The following GMDS variants were observed in gnomAD, a reference collection of about 807,000 sequenced individuals.
GMDS encodes the protein GDP-mannose 4,6 dehydratase.
Under a neutral mutation model 49.9 loss-of-function variants are expected in GMDS, and 20 were observed. That is an observed-to-expected ratio of 0.40 (90% CI 0.28 to 0.58). The LOEUF is 0.58. GMDS is among the 20% of genes least tolerant of loss of function. GMDS has a pLI of 0.42. For missense variants in GMDS, 362 were observed against 481.4 expected (o/e 0.75, Z 2.32); for synonymous variants, 177 against 178.6 (o/e 0.99, Z 0.07).
intron 7 of GMDS, among the ~76,000 whole-genome samples, chr6:1,887,676 C>A (rs1331619606): frequency 6.6e-6 from 1 of 152,132 alleles, no homozygotes; most frequent in East Asian, 1.9e-4. Flanking sequence ...TTCTTCAACC[C>A]TCAGCAATTT....
At chr6:1,817,163 T>C (rs552736760) in intron 7 of GMDS, among the ~76,000 whole-genome samples, 58 of 151,424 alleles carry the variant, frequency 3.8e-4, no homozygotes, top group Admixed American at 1.3e-3. Context: ...TACTGATAGA[T>C]TGCAATCTAG....
chr6:1,786,416 G>T (rs1769322677), intron 7 of GMDS, among the ~76,000 whole-genome samples: 2 of 152,104 alleles, frequency 1.3e-5, no homozygotes, highest in African/African-American at 4.8e-5. Flanking sequence ...GAAAGAGTGG[G>T]ACTCCAGTCT....
intron 1 of GMDS, among the ~76,000 whole-genome samples, chr6:2,178,383 G>A (rs921517462): frequency 3.9e-5 from 6 of 152,102 alleles, no homozygotes; most frequent in Non-Finnish European, 8.8e-5. Context: ...TGTCTGACAT[G>A]GCCAAAGCAG....
Position 2,115,866 on chromosome 6 carries a change from A to G in GMDS, c.250T>C (p.Tyr84His). The G allele has an allele frequency of 2.5e-6, 4 of 1,587,244 alleles. No homozygotes were observed. The highest frequency in any genetic ancestry group is 2.2e-5 in the East Asian group (1 of 44,774). Reference sequence around the variant, plus strand: ...CAGGTACTGTCAGTGAGATCGCCATAGTGCAACTTCATGTCTTCAGGATAC... The same window carrying G: ...CAGGTACTGTCAGTGAGATCGCCATGGTGCAACTTCATGTCTTCAGGATAC... Reference protein sequence around the residue: ...AHIEGNMKLHYGDLTDSTCLV... With the variant: ...AHIEGNMKLHHGDLTDSTCLV... The change falls in exon 4 of 11, where the codon TAT becomes CAT. Residue 84 changes from tyrosine (Y) to histidine (H), a missense_variant. By Grantham distance (83) the Tyr-to-His change is moderately conservative. Transcript: ENST00000380815.
intron 7 of GMDS, among the ~76,000 whole-genome samples, chr6:1,843,931 A>G (rs1757264807): frequency 6.6e-6 from 1 of 152,174 alleles, no homozygotes; most frequent in Admixed American, 6.5e-5. Context: ...TCTGTCAGAA[A>G]TGCAGGAGAG....
At chr6:1,706,859 G>C (rs1327124028) in intron 9 of GMDS, among the ~76,000 whole-genome samples, 2 of 152,184 alleles carry the variant, frequency 1.3e-5, no homozygotes, top group African/African-American at 4.8e-5. Flanking sequence ...GTGGCATTTG[G>C]AAGGACTGTG....
At chr6:1,672,978 G>A (rs774765533) in intron 9 of GMDS, among the ~76,000 whole-genome samples, 16 of 149,754 alleles carry the variant, frequency 1.1e-4, no homozygotes, top group Admixed American at 4.6e-4. Context: ...GCATTTCAGC[G>A]AGGATTGGGA....
intron 4 of GMDS, among the ~76,000 whole-genome samples, chr6:2,023,725 GGGTAA>G (rs1231765528): frequency 1.3e-5 from 2 of 152,164 alleles, no homozygotes; most frequent in African/African-American, 4.8e-5. Flanking sequence ...ATCCCCAAAT[GGGTAA>G]GGTGAGTAGG....
chr6:1,880,004 A>G (rs1219339068), intron 7 of GMDS, among the ~76,000 whole-genome samples: 2 of 152,198 alleles, frequency 1.3e-5, no homozygotes, highest in Non-Finnish European at 2.9e-5. Context: ...TTATTATTCA[A>G]CGTATATCTG....
intron 7 of GMDS, among the ~76,000 whole-genome samples, chr6:1,757,698 C>CT (rs1767999818): frequency 6.6e-6 from 1 of 152,322 alleles, no homozygotes; most frequent in South Asian, 2.1e-4. Flanking sequence ...TTGACAATCA[C>CT]TGTTACCAGA....
At chr6:1,964,584 T>C (rs1027305542) in intron 4 of GMDS, among the ~76,000 whole-genome samples, 2 of 152,214 alleles carry the variant, frequency 1.3e-5, no homozygotes, top group African/African-American at 4.8e-5. Context: ...CATCCTTGCA[T>C]AAGCACCTTA....
At chr6:1,960,702 AG>A in intron 5 of GMDS, 71 bp downstream of exon 5, 1 of 993,366 alleles carries the variant, frequency 1.0e-6, no homozygotes, top group Non-Finnish European at 1.5e-6. Context: ...ACAGAATGAA[AG>A]GAAAAACACA....
At position 1,655,280 on chromosome 6, in the gene GMDS, C is replaced by G. The variant is rs374237764; in HGVS notation, c.988-30740G>C. Among the ~76,000 whole-genome samples, 23 of 152,148 alleles carry G rather than the reference C, an allele frequency of 1.5e-4. No homozygotes were observed. In the East Asian group the frequency reaches 3.5e-3, roughly 23 times the overall value. ...CACAGTGCTGGTTACATCACGGGAA[C>G]TGGGTAAACGAAATTTTAAAAATAA... On this transcript the variant is annotated intron_variant, in intron 9 of 10. Transcript: ENST00000380815.
At chr6:1,889,638 C>A (rs1478519598) in intron 7 of GMDS, among the ~76,000 whole-genome samples, 1 of 152,198 alleles carries the variant, frequency 6.6e-6, no homozygotes, top group East Asian at 1.9e-4. Context: ...AAAAAATCTT[C>A]ATTGATATAT....
chr6:1,984,096 T>C (rs1765393937), intron 4 of GMDS, among the ~76,000 whole-genome samples: 1 of 152,188 alleles, frequency 6.6e-6, no homozygotes, highest in African/African-American at 2.4e-5. Flanking sequence ...GAAGCCATTA[T>C]CTTCAGCAAA....
At chr6:2,233,943 T>G (rs1467557928) in intron 1 of GMDS, among the ~76,000 whole-genome samples, 4 of 152,196 alleles carry the variant, frequency 2.6e-5, no homozygotes, top group Non-Finnish European at 5.9e-5. Flanking sequence ...TTATATGCAG[T>G]GTATTTCCTC....
chr6:1,800,131 G>A (rs1179420251), intron 7 of GMDS, among the ~76,000 whole-genome samples: 2 of 152,068 alleles, frequency 1.3e-5, no homozygotes, highest in Admixed American at 6.5e-5. Context: ...ATGGTGGTTG[G>A]CCTCTGAAAT....
intron 7 of GMDS, among the ~76,000 whole-genome samples, chr6:1,786,178 A>G (rs1050517371): frequency 1.3e-5 from 2 of 152,250 alleles, no homozygotes; most frequent in African/African-American, 4.8e-5. Flanking sequence ...TGTGATTTTA[A>G]TAACTCCATG....
At chr6:2,230,766 C>G (rs1781051912) in intron 1 of GMDS, among the ~76,000 whole-genome samples, 1 of 152,018 alleles carries the variant, frequency 6.6e-6, no homozygotes, top group African/African-American at 2.4e-5. Context: ...GACTTCAATA[C>G]TTGGTCAACT....
Sources: gnomAD v4.1 joint callset for allele counts (sites outside exome capture counted in the v4.1 genomes callset) on GRCh38, gnomAD v4.1.1 for gene constraint, MANE v1.5 for transcripts, NCBI Gene and HGNC (gene_info 2026-07-23, HGNC 2026-07-21) for gene names.